The following FBN2 variants were observed in gnomAD, a reference collection of about 807,000 sequenced individuals.
FBN2 encodes fibrillin 2, also known as fibrillin-2.
FBN2 carries 105 observed loss-of-function variants against 355.6 expected under a neutral mutation model. That is an observed-to-expected ratio of 0.30 (90% confidence interval 0.25 to 0.35). The LOEUF is 0.35. Ranked by LOEUF, FBN2 falls within the 10% of genes least tolerant of loss-of-function variation. The probability of loss-of-function intolerance (pLI) is 1.00; values close to 1 mark genes in which losing one functional copy is unlikely to be tolerated. For synonymous variants in FBN2, 1,350 were observed against 1,301.2 expected, an observed-to-expected ratio of 1.04 and a Z score of -0.81; for missense variants, 3,280 against 3,758.7, an observed-to-expected ratio of 0.87 and a Z score of 3.33.
chr5:128,479,901 T>C (rs1385994419), intron 5 of FBN2, among the ~76,000 whole-genome samples: 2 of 145,500 alleles, frequency 1.4e-5, no homozygotes, highest in Non-Finnish European at 3.0e-5. Flanking sequence ...CATTCTAGCC[T>C]GGGCAACAGA....
intron 21 of FBN2, among the ~76,000 whole-genome samples, chr5:128,350,453 A>C (rs1751320402): frequency 6.6e-6 from 1 of 152,172 alleles, no homozygotes; most frequent in Non-Finnish European, 1.5e-5. Flanking sequence ...CGGGAAGCTG[A>C]GGCAGGAGAA....
intron 17 of FBN2, 70 bp from the exon 18 acceptor site, chr5:128,364,795 G>T (rs1231152681): frequency 3.9e-6 from 5 of 1,297,922 alleles, no homozygotes; most frequent in Non-Finnish European, 5.6e-6. Flanking sequence ...TGCAGGTCTA[G>T]TAAAGACCAT....
intron 5 of FBN2, among the ~76,000 whole-genome samples, chr5:128,514,319 T>C (rs1036652987): frequency 6.6e-6 from 1 of 152,180 alleles, no homozygotes; most frequent in African/African-American, 2.4e-5. Flanking sequence ...CTACATTCAT[T>C]TGACTGAAAG....
chr5:128,416,458 T>C (rs1009297350), intron 7 of FBN2, among the ~76,000 whole-genome samples: 1 of 152,256 alleles, frequency 6.6e-6, no homozygotes, highest in African/African-American at 2.4e-5. Context: ...GCCTGTGCTT[T>C]TGAGTCGTAG....
Position 128,318,865 on chromosome 5 carries a change from G to A in FBN2, c.4594+14C>T, listed in dbSNP as rs1750287466. On this transcript the variant is annotated intron_variant, in intron 35 of 64. Coordinates refer to ENST00000262464, the MANE Select transcript of FBN2 (RefSeq NM_001999.4). ...AATGAATCAGAACACAACTTAGCTG[G>A]TAACTGACCATACCTGTACAGTTCC... 2 of 1,610,678 alleles carry A rather than the reference G, an allele frequency of 1.2e-6. No homozygotes were observed. The highest frequency in any genetic ancestry group is 2.7e-5 in the African/African-American group (2 of 74,934).
At chr5:128,273,758 A>G in intron 61 of FBN2, 82 bp downstream of exon 61, 1 of 1,425,848 alleles carries the variant, frequency 7.0e-7, no homozygotes, top group African/African-American at 1.4e-5. Context: ...TTTTTTTCAG[A>G]TTATACCAAT....
chr5:128,361,577 A>C, intron 19 of FBN2, 146 bp downstream of exon 19: 1 of 1,044,104 alleles, frequency 9.6e-7, no homozygotes, highest in Non-Finnish European at 1.4e-6. Flanking sequence ...TACTATTTCA[A>C]AAACTGGCAG....
rs1162370889 is a variant in FBN2 at position 128,328,793 on chromosome 5, G to T, written c.4374C>A (p.Asn1458Lys). The T allele has an allele frequency of 1.9e-6, 3 of 1,613,988 alleles. No individual in the cohort carries two copies. The highest frequency in any genetic ancestry group is 1.7e-5 in the Admixed American group (1 of 59,996). The change falls in exon 34 of 65, where the codon AAC (asparagine) becomes AAA (lysine). Residue 1458 changes from asparagine to lysine, a missense_variant. Asn to Lys is a moderately conservative substitution (Grantham distance 94, BLOSUM62 0). Coordinates refer to ENST00000262464, the MANE Select transcript of FBN2 (RefSeq NM_001999.4). Reference sequence around the variant, plus strand: ...TAAGGCACTGTCCGTTCTCACAGAGGTTTATGTTTTCTGCACACTCATCAA... The same window carrying T: ...TAAGGCACTGTCCGTTCTCACAGAGTTTTATGTTTTCTGCACACTCATCAA... Reference protein sequence around the residue: ...SDVDECAENINLCENGQCLNV... With the variant: ...SDVDECAENIKLCENGQCLNV...
chr5:128,394,161 T>C (rs1392122625), intron 9 of FBN2, among the ~76,000 whole-genome samples: 1 of 152,192 alleles, frequency 6.6e-6, no homozygotes, highest in Non-Finnish European at 1.5e-5. Context: ...ACAGTACATA[T>C]TGGCATAAAT....
intron 6 of FBN2, among the ~76,000 whole-genome samples, chr5:128,453,011 T>C (rs1448606262): frequency 6.6e-6 from 1 of 152,108 alleles, no homozygotes; most frequent in Non-Finnish European, 1.5e-5. Context: ...TGTCTAACTT[T>C]AAGGGCAGCA....
chr5:128,351,619 G>A (rs1751370339), intron 20 of FBN2, among the ~76,000 whole-genome samples: 1 of 151,774 alleles, frequency 6.6e-6, no homozygotes, highest in African/African-American at 2.4e-5. Flanking sequence ...TTCAAATATG[G>A]TATATTACAT....
At chr5:128,401,919 T>C (rs1752808336) in intron 8 of FBN2, among the ~76,000 whole-genome samples, 1 of 152,112 alleles carries the variant, frequency 6.6e-6, no homozygotes, top group South Asian at 2.1e-4. Flanking sequence ...GCAAAGTAAA[T>C]TGTAACTTTT....
intron 2 of FBN2, among the ~76,000 whole-genome samples, chr5:128,531,986 A>G (rs1005195609): frequency 6.6e-6 from 1 of 152,162 alleles, no homozygotes; most frequent in African/African-American, 2.4e-5. Context: ...GACAGCCTTG[A>G]TTCTAAGTAG....
intron 17 of FBN2, 118 bp downstream of exon 17, chr5:128,366,259 T>C: frequency 7.7e-6 from 4 of 520,092 alleles, no homozygotes; most frequent in Middle Eastern, 1.1e-3. Flanking sequence ...AGATAATTAA[T>C]CTTATTATTT....
At chr5:128,404,503 TA>T (rs1276752947) in intron 8 of FBN2, among the ~76,000 whole-genome samples, 2 of 152,206 alleles carry the variant, frequency 1.3e-5, no homozygotes, top group Non-Finnish European at 2.9e-5. Flanking sequence ...TCCAGGACCG[TA>T]ATTCAGTGGC....
intron 7 of FBN2, among the ~76,000 whole-genome samples, chr5:128,433,355 T>C (rs1015346328): frequency 2.0e-5 from 3 of 152,192 alleles, no homozygotes; most frequent in Non-Finnish European, 4.4e-5. Flanking sequence ...AGATAAATAA[T>C]TTTTACGATC....
chr5:128,535,817 C>CAAAA (rs10676699), intron 2 of FBN2, among the ~76,000 whole-genome samples: 5 of 118,446 alleles, frequency 4.2e-5, no homozygotes, highest in Non-Finnish European at 9.3e-5. Flanking sequence ...TTCCAAAAAG[C>CAAAA]AAAAAAAAAA....
chr5:128,278,546 G>T, intron 57 of FBN2, 89 bp downstream of exon 57: 2 of 1,136,444 alleles, frequency 1.8e-6, no homozygotes, highest in Non-Finnish European at 2.7e-6. Flanking sequence ...TCTTTTGATT[G>T]TATCAATTTT....
chr5:128,346,243 G>A (rs1581231980), intron 23 of FBN2, among the ~76,000 whole-genome samples: 1 of 152,250 alleles, frequency 6.6e-6, no homozygotes, highest in East Asian at 1.9e-4. Context: ...TCTATAAACA[G>A]TCGCCTACAT....
Sources: gnomAD v4.1 joint callset for allele counts (sites outside exome capture counted in the v4.1 genomes callset) on GRCh38, gnomAD v4.1.1 for gene constraint, MANE v1.5 for transcripts, NCBI Gene and HGNC (gene_info 2026-07-23, HGNC 2026-07-21) for gene names.